The following MTFR1 variants were observed in gnomAD, a reference collection of about 807,000 sequenced individuals.
MTFR1 encodes the protein chondrocyte protein with a poly-proline region.
MTFR1 carries 28 observed loss-of-function variants against 38.8 expected under a neutral mutation model. The ratio of observed to expected loss-of-function variants is 0.72; its 90% CI spans 0.53 to 0.99. MTFR1 has a LOEUF of 0.99. Among genes scored for constraint, MTFR1 ranks in the 50% least tolerant of loss-of-function variants. The probability of loss-of-function intolerance (pLI) is 0.00; values close to 1 mark genes in which losing one functional copy is unlikely to be tolerated. For synonymous variants in MTFR1, 145 were observed against 137.0 expected (o/e 1.06, Z -0.41); for missense variants, 358 against 395.5 (o/e 0.91, Z 0.81).
chr8:65,766,600 C>T (rs946897262), intron 3 of MTFR1, among the ~76,000 whole-genome samples: 4 of 152,200 alleles, frequency 2.6e-5, no homozygotes, highest in Non-Finnish European at 5.9e-5. Flanking sequence ...ATGGTCAGCC[C>T]AGCATTGACG....
intron 1 of MTFR1, among the ~76,000 whole-genome samples, chr8:65,660,267 G>C (rs1809373946): frequency 7.1e-6 from 1 of 140,176 alleles, no homozygotes; most frequent in African/African-American, 2.6e-5. Context: ...CTCCAGCCTG[G>C]GCAACAGGAG....
intron 1 of MTFR1, among the ~76,000 whole-genome samples, chr8:65,653,843 T>C (rs77523249): frequency 6.6e-6 from 1 of 152,054 alleles, no homozygotes; most frequent in East Asian, 1.9e-4. Flanking sequence ...GGTGGGAGAA[T>C]CACTTGAAGC....
intron 3 of MTFR1, chr8:65,747,881 T>A: frequency 1.4e-6 from 1 of 729,388 alleles, no homozygotes; most frequent in Non-Finnish European, 2.2e-6. Context: ...CACTTTTAGT[T>A]ATGTACAAGT....
chr8:65,663,313 A>T (rs1804254390), intron 1 of MTFR1, among the ~76,000 whole-genome samples: 1 of 152,062 alleles, frequency 6.6e-6, no homozygotes, highest in Non-Finnish European at 1.5e-5. Flanking sequence ...GTGCTTTGTT[A>T]AACAGATGCT....
chr8:65,670,226 C>T (rs1402398802), intron 2 of MTFR1, among the ~76,000 whole-genome samples: 2 of 152,114 alleles, frequency 1.3e-5, no homozygotes, highest in Non-Finnish European at 2.9e-5. Context: ...ACATTGAAAA[C>T]TTACCAGTAT....
intron 2 of MTFR1, chr8:65,718,241 C>T (rs1358472747): frequency 6.6e-6 from 1 of 152,220 alleles, no homozygotes; most frequent in East Asian, 1.9e-4. Flanking sequence ...TCTTTGCCCA[C>T]ATGGAGAAAC....
At chr8:65,737,591 T>A (rs1807202096) in intron 3 of MTFR1, among the ~76,000 whole-genome samples, 1 of 152,134 alleles carries the variant, frequency 6.6e-6, no homozygotes, top group Non-Finnish European at 1.5e-5. Flanking sequence ...TCTCTCTCTC[T>A]CAATCTCACC....
intron 3 of MTFR1, among the ~76,000 whole-genome samples, chr8:65,749,469 G>A (rs1807833851): frequency 1.3e-5 from 2 of 152,044 alleles, no homozygotes; most frequent in Admixed American, 1.3e-4. Context: ...TTAAATTTCT[G>A]ATCTTTACCA....
At chr8:65,750,017 G>C (rs1390705849) in intron 3 of MTFR1, among the ~76,000 whole-genome samples, 1 of 77,980 alleles carries the variant, frequency 1.3e-5, no homozygotes, top group Non-Finnish European at 2.5e-5. Flanking sequence ...GGACATAATA[G>C]CATGGCATGA....
chr8:65,654,349 T>C (rs1428828676), intron 1 of MTFR1, among the ~76,000 whole-genome samples: 1 of 152,202 alleles, frequency 6.6e-6, no homozygotes, highest in African/African-American at 2.4e-5. Context: ...AATTGTTTCA[T>C]GTATGGCTCT....
chr8:65,718,338 C>T (rs546740976), intron 2 of MTFR1: 2 of 152,392 alleles, frequency 1.3e-5, no homozygotes, highest in South Asian at 2.1e-4. Context: ...CTCACTGCAG[C>T]GAAAGGGACT....
At chr8:65,660,865 C>T (rs192513717) in intron 1 of MTFR1, among the ~76,000 whole-genome samples, 25 of 152,182 alleles carry the variant, frequency 1.6e-4, no homozygotes, top group African/African-American at 5.8e-4. Context: ...GTGGTATCTC[C>T]GTAAAATGGA....
intron 1 of MTFR1, among the ~76,000 whole-genome samples, chr8:65,662,017 C>G (rs1325852901): frequency 7.0e-6 from 1 of 142,974 alleles, no homozygotes; most frequent in Non-Finnish European, 1.5e-5. Flanking sequence ...CCCTCTCTCT[C>G]TCCCTCTCTC....
At chr8:65,771,673 G>A (rs929741045), downstream of MTFR1, among the ~76,000 whole-genome samples, 12 of 151,836 alleles carry the variant, frequency 7.9e-5, no homozygotes, top group Non-Finnish European at 1.5e-4. Flanking sequence ...GTAAGAGTTC[G>A]AGACCAGCCT....
intron 1 of MTFR1, among the ~76,000 whole-genome samples, chr8:65,650,488 T>A (rs767946074): frequency 1.3e-5 from 2 of 152,096 alleles, no homozygotes; most frequent in Non-Finnish European, 2.9e-5. Flanking sequence ...CCTTATACTC[T>A]TATCTGCATG....
intron 3 of MTFR1, among the ~76,000 whole-genome samples, chr8:65,760,730 G>A (rs1337451967): frequency 3.3e-5 from 5 of 152,148 alleles, no homozygotes; most frequent in African/African-American, 9.7e-5. Flanking sequence ...TTTTCCTGGA[G>A]TAATGACATG....
intron 1 of MTFR1, among the ~76,000 whole-genome samples, chr8:65,649,805 G>A (rs1585737948): frequency 8.2e-6 from 1 of 122,668 alleles, no homozygotes; most frequent in Non-Finnish European, 1.6e-5. Flanking sequence ...CCCCCACACT[G>A]TCCTTTGCAG....
chr8:65,764,885 T>C (rs72666546), intron 3 of MTFR1, among the ~76,000 whole-genome samples: 1 of 152,254 alleles, frequency 6.6e-6, no homozygotes, highest in Non-Finnish European at 1.5e-5. Flanking sequence ...ATGAGACACA[T>C]GATTCAACAG....
At chr8:65,706,911 AG>A (rs1377698438) in intron 5 of MTFR1, 98 bp from the exon 6 acceptor site, 4 of 1,314,426 alleles carry the variant, frequency 3.0e-6, no homozygotes, top group Non-Finnish European at 3.1e-6. Flanking sequence ...TATTGTTTTT[AG>A]GGGTACAAAA....
Sources: allele counts gnomAD v4.1 joint callset (sites outside exome capture counted in the v4.1 genomes callset), GRCh38; gene constraint gnomAD v4.1.1; transcripts MANE v1.5; gene names NCBI Gene and HGNC (gene_info 2026-07-23, HGNC 2026-07-21).